FERMT2: variants seen among roughly 807,000 people sequenced by gnomAD.
FERMT2 encodes fermitin family homolog 2.
A neutral mutation model predicts 82.7 loss-of-function variants in FERMT2; 15 were observed. That is an observed-to-expected ratio of 0.18 (90% CI 0.12 to 0.28). The LOEUF (loss-of-function observed/expected upper bound fraction) is 0.28, where lower values mean the gene tolerates loss of function less well. Ranked by LOEUF, FERMT2 falls within the 10% of genes least tolerant of loss-of-function variation. The pLI, the probability that FERMT2 is intolerant of heterozygous loss-of-function variation, is 1.00. For missense variants in FERMT2, 645 were observed against 809.4 expected (o/e 0.80, Z 2.46); for synonymous variants, 274 against 271.5 (o/e 1.01, Z -0.09).
chr14:52,860,607 C>T (rs984539400), intron 12 of FERMT2, 142 bp from the exon 13 acceptor site: 3 of 684,492 alleles, frequency 4.4e-6, no homozygotes, highest in African/African-American at 3.6e-5. Flanking sequence ...TCTGAAGCTA[C>T]ATTTGGACAC....
At chr14:52,913,981 G>A (rs530762290) in intron 3 of FERMT2, among the ~76,000 whole-genome samples, 1 of 152,184 alleles carries the variant, frequency 6.6e-6, no homozygotes, top group South Asian at 2.1e-4. Flanking sequence ...GTTCTTGTCT[G>A]TCTCTGCGTG....
intron 14 of FERMT2, chr14:52,859,010 T>G (rs538878799): frequency 6.3e-6 from 1 of 158,428 alleles, no homozygotes; most frequent in East Asian, 1.8e-4. Context: ...ACCAAATGAC[T>G]TATTAGTAAA....
chr14:52,918,503 T>C (rs1888757034), intron 3 of FERMT2, among the ~76,000 whole-genome samples: 1 of 152,218 alleles, frequency 6.6e-6, no homozygotes, highest in African/African-American at 2.4e-5. Flanking sequence ...AGTCACTAAA[T>C]GTATCTTTAA....
chr14:52,875,554 T>C (rs1885901076), intron 7 of FERMT2, among the ~76,000 whole-genome samples, 197 bp from the exon 8 acceptor site: 2 of 152,142 alleles, frequency 1.3e-5, no homozygotes, highest in African/African-American at 4.8e-5. Context: ...CCAAAAGAAG[T>C]AGGGTCTTTG....
chr14:52,860,439 A>C lies in FERMT2; in HGVS notation c.1629T>G (p.His543Gln). The C allele has an allele frequency of 6.2e-7, 1 of 1,613,284 alleles. No individual in the cohort carries two copies. Among genetic ancestry groups the C allele is most frequent in the Non-Finnish European group, 8.5e-7 (1 of 1,179,566 alleles). ...KQITARILEA[H>Q]QNVAQMSLIE... ...TTAGACTCATCTGAGCTACATTCTG[A>C]TGGGCCTCCAAGATTCTCGCTGTTA... Residue 543 changes from histidine (H) to glutamine (Q), a missense_variant, in exon 13 of 15, where the codon CAT becomes CAG. Physicochemically the swap from His to Gln is conservative, Grantham distance 24. Transcript: ENST00000341590.
intron 2 of FERMT2, among the ~76,000 whole-genome samples, chr14:52,919,584 T>C (rs1888828672): frequency 6.6e-6 from 1 of 152,122 alleles, no homozygotes; most frequent in Admixed American, 6.5e-5. Flanking sequence ...ACTAAGAATG[T>C]TTGAGTCAAC....
chr14:52,902,868 C>CAAAAAAAAAAA (rs1252336097), intron 3 of FERMT2, among the ~76,000 whole-genome samples: 5 of 5,544 alleles, frequency 9.0e-4, no homozygotes, highest in Admixed American at 3.4e-3. Flanking sequence ...GACTCCGTCT[C>CAAAAAAAAAAA]AAAAAAAAAA....
intron 4 of FERMT2, among the ~76,000 whole-genome samples, chr14:52,889,177 G>A (rs1374034031): frequency 6.6e-6 from 1 of 152,170 alleles, no homozygotes; most frequent in Non-Finnish European, 1.5e-5. Context: ...ATATTTTACT[G>A]TGTGGATTAA....
At chr14:52,870,598 A>G (rs1885559784) in intron 10 of FERMT2, among the ~76,000 whole-genome samples, 1 of 152,172 alleles carries the variant, frequency 6.6e-6, no homozygotes, top group Non-Finnish European at 1.5e-5. Flanking sequence ...AATACTTACT[A>G]TTGTGTTACA....
chr14:52,909,090 G>A (rs923202075), intron 3 of FERMT2, among the ~76,000 whole-genome samples: 9 of 152,158 alleles, frequency 5.9e-5, no homozygotes, highest in African/African-American at 2.2e-4. Flanking sequence ...GGGCTTCTGG[G>A]ATGTTCTGCT....
chr14:52,892,456 G>GTTTTTTGT (rs3068969), intron 4 of FERMT2, among the ~76,000 whole-genome samples: 100,284 of 133,212 alleles, frequency 0.75, 39,678 homozygotes, highest in Non-Finnish European at 0.86. Context: ...GCTGTTTTTT[G>GTTTTTTGT]TTTTTTTTTT....
intron 2 of FERMT2, among the ~76,000 whole-genome samples, chr14:52,946,903 C>T (rs940682996): frequency 6.6e-6 from 1 of 151,966 alleles, no homozygotes; most frequent in African/African-American, 2.4e-5. Context: ...GAAGTCCTGA[C>T]CTCAGGTGAT....
In FERMT2 at chr14:52,943,968, T is replaced by C. The variant is rs1258580480; in HGVS notation, c.157+6444A>G. 3.9e-5 allele frequency among the ~76,000 whole-genome samples: 6 copies of C among 152,302 alleles called. No homozygotes were observed. In the East Asian group the frequency reaches 9.6e-4, roughly 24 times the overall value. On this transcript the variant is annotated intron_variant, in intron 2 of 14. Transcript: ENST00000341590. ...ATCTCTATAAATAAGTTAACTCTAG[T>C]TGGAAACAAACAGTTTTTTACTTTA...
At chr14:52,889,039 C>T (rs140444468) in intron 4 of FERMT2, among the ~76,000 whole-genome samples, 156 of 152,170 alleles carry the variant, frequency 1.0e-3, no homozygotes, top group Non-Finnish European at 1.6e-3. Flanking sequence ...AGCTTGGAAG[C>T]GGGATGAGCC....
chr14:52,908,744 G>A (rs1039139340), intron 3 of FERMT2, among the ~76,000 whole-genome samples: 6 of 152,134 alleles, frequency 3.9e-5, no homozygotes, highest in South Asian at 4.1e-4. Context: ...TTGCCATTAC[G>A]ATTATTTTGC....
chr14:52,878,670 T>C lies in FERMT2; in HGVS notation c.875A>G (p.Asn292Ser), dbSNP rs754602580. The C allele has an allele frequency of 1.4e-5, 22 of 1,576,832 alleles. No individual in the cohort carries two copies. Among genetic ancestry groups the C allele is most frequent in the Admixed American group, 3.5e-5 (2 of 57,544 alleles). ...CCATTTGGCCTGCTCGTAAAGCTGA[T>C]TGATTCTGATTGCATCATACTGCAA... ...LNPKYDAIRI[N>S]QLYEQAKWAI... The change falls in exon 7 of 15, where the codon AAT (asparagine) becomes AGT (serine). Residue 292 changes from asparagine (N) to serine (S), a missense_variant. By Grantham distance (46) the Asn-to-Ser change is conservative. Coordinates refer to ENST00000341590, the MANE Select transcript of FERMT2 (RefSeq NM_006832.3).
At chr14:52,886,963 T>C (rs1457771611) in intron 4 of FERMT2, among the ~76,000 whole-genome samples, 1 of 152,222 alleles carries the variant, frequency 6.6e-6, no homozygotes, top group East Asian at 1.9e-4. Flanking sequence ...TCCATCAGTA[T>C]GTATCATCAA....
chr14:52,921,069 A>G (rs187690630), intron 2 of FERMT2, among the ~76,000 whole-genome samples: 1 of 152,216 alleles, frequency 6.6e-6, no homozygotes, highest in African/African-American at 2.4e-5. Context: ...AAGACATTTA[A>G]AAGTATGTAT....
At chr14:52,927,591 AT>A (rs1889350308) in intron 2 of FERMT2, among the ~76,000 whole-genome samples, 7 of 93,256 alleles carry the variant, frequency 7.5e-5, no homozygotes, top group African/African-American at 2.4e-4. Flanking sequence ...CCTCATCCCT[AT>A]AAAAAAAAAA....
Sources: gnomAD v4.1 joint callset for allele counts (sites outside exome capture counted in the v4.1 genomes callset) on GRCh38, gnomAD v4.1.1 for gene constraint, MANE v1.5 for transcripts, NCBI Gene and HGNC (gene_info 2026-07-23, HGNC 2026-07-21) for gene names.